KCNAB1: variants seen among roughly 807,000 people sequenced by gnomAD.
KCNAB1 encodes potassium voltage-gated channel subfamily A regulatory beta subunit 1.
KCNAB1 carries 35 observed loss-of-function variants against 64.6 expected under a neutral mutation model. The observed-to-expected ratio is 0.54, with a 90% CI of 0.41 to 0.72. The LOEUF is 0.72. KCNAB1 is among the 30% of genes least tolerant of loss of function. The pLI is 0.00. For synonymous variants in KCNAB1, 177 were observed against 183.8 expected (o/e 0.96, Z 0.30); for missense variants, 401 against 512.9 (o/e 0.78, Z 2.11).
intron 2 of KCNAB1, among the ~76,000 whole-genome samples, chr3:156,447,953 G>A (rs909569496): frequency 2.0e-5 from 3 of 152,164 alleles, no homozygotes; most frequent in African/African-American, 7.2e-5. Context: ...TTTTTTGAAT[G>A]AGTACGCAAG....
intron 1 of KCNAB1, among the ~76,000 whole-genome samples, chr3:156,257,692 C>T (rs1003851624): frequency 2.0e-5 from 3 of 152,132 alleles, no homozygotes; most frequent in African/African-American, 7.2e-5. Flanking sequence ...AGGATTGATG[C>T]CTTACACAAA....
At chr3:156,405,059 C>T (rs1576824933) in intron 1 of KCNAB1, among the ~76,000 whole-genome samples, 2 of 152,340 alleles carry the variant, frequency 1.3e-5, no homozygotes, top group Middle Eastern at 6.8e-3. Context: ...TGGTGATAAA[C>T]TCCTCTAACT....
At chr3:156,295,154 GT>G (rs1720696851) in intron 1 of KCNAB1, among the ~76,000 whole-genome samples, 1 of 152,126 alleles carries the variant, frequency 6.6e-6, no homozygotes, top group Non-Finnish European at 1.5e-5. Flanking sequence ...AGGGGTGATA[GT>G]CATGCTTGGG....
At chr3:156,293,856 G>T (rs1720614981) in intron 1 of KCNAB1, among the ~76,000 whole-genome samples, 1 of 152,252 alleles carries the variant, frequency 6.6e-6, no homozygotes, top group African/African-American at 2.4e-5. Context: ...TGCTCTGCAT[G>T]CACTTCAGCT....
chr3:156,436,903 G>A (rs1345127805), intron 2 of KCNAB1, among the ~76,000 whole-genome samples: 1 of 152,118 alleles, frequency 6.6e-6, no homozygotes, highest in African/African-American at 2.4e-5. Flanking sequence ...CTTTTGCTGT[G>A]CAGCTCTCTA....
chr3:156,297,290 A>C (rs1050636885), intron 1 of KCNAB1, among the ~76,000 whole-genome samples: 5 of 117,888 alleles, frequency 4.2e-5, no homozygotes, highest in African/African-American at 1.5e-4. Flanking sequence ...TTTTTTACTC[A>C]GAGGGTTTGT....
At chr3:156,496,465 T>C (rs938899417) in intron 8 of KCNAB1, among the ~76,000 whole-genome samples, 10 of 152,180 alleles carry the variant, frequency 6.6e-5, no homozygotes, top group African/African-American at 2.2e-4. Context: ...CCTTCGCTCC[T>C]CCTTTGCCTT....
intron 1 of KCNAB1, among the ~76,000 whole-genome samples, chr3:156,355,814 C>T (rs1305493481): frequency 2.0e-5 from 3 of 152,060 alleles, no homozygotes; most frequent in East Asian, 1.9e-4. Flanking sequence ...TAATTTCATA[C>T]TAAAGAAAAT....
intron 2 of KCNAB1, chr3:156,446,862 CAG>C: frequency 6.6e-6 from 1 of 152,366 alleles, no homozygotes; most frequent in African/African-American, 2.4e-5. Flanking sequence ...AGCACAATAG[CAG>C]AGTGTTCCTT....
chr3:156,472,955 C>A (rs1205815456), intron 7 of KCNAB1, among the ~76,000 whole-genome samples: 1 of 152,180 alleles, frequency 6.6e-6, no homozygotes, highest in Non-Finnish European at 1.5e-5. Context: ...TATTTGTAGC[C>A]TCTTCTCCTA....
intron 8 of KCNAB1, among the ~76,000 whole-genome samples, chr3:156,502,017 C>A (rs111987124): frequency 7.6e-4 from 115 of 152,246 alleles, no homozygotes; most frequent in African/African-American, 2.6e-3. Flanking sequence ...GATTCAATTA[C>A]CTCCCTCTGG....
intron 1 of KCNAB1, among the ~76,000 whole-genome samples, chr3:156,148,315 A>G (rs1468421167): frequency 6.6e-6 from 1 of 152,178 alleles, no homozygotes; most frequent in African/African-American, 2.4e-5. Context: ...ATTGTGCATC[A>G]TGACCTTGAG....
At chr3:156,124,794 T>C (rs1050106180) in intron 1 of KCNAB1, among the ~76,000 whole-genome samples, 15 of 152,112 alleles carry the variant, frequency 9.9e-5, no homozygotes, top group African/African-American at 3.6e-4. Flanking sequence ...TTTAATGAAC[T>C]TTTCCGGGTC....
chr3:156,273,427 C>G, intron 1 of KCNAB1: 1 of 357,182 alleles, frequency 2.8e-6, no homozygotes, highest in South Asian at 2.1e-5. Flanking sequence ...CTGGCTAGGC[C>G]TGGTCTAAAT....
intron 8 of KCNAB1, among the ~76,000 whole-genome samples, chr3:156,507,540 A>C (rs538498394): frequency 3.3e-5 from 5 of 152,216 alleles, no homozygotes; most frequent in Non-Finnish European, 7.3e-5. Context: ...TCCAGGCATC[A>C]AGCTGAGAGG....
At chr3:156,485,503 A>T (rs185957257) in intron 8 of KCNAB1, among the ~76,000 whole-genome samples, 81 of 152,120 alleles carry the variant, frequency 5.3e-4, no homozygotes, top group Admixed American at 2.2e-3. Flanking sequence ...AAATTTTCTA[A>T]AATGTCCTTT....
At chr3:156,442,221 G>T (rs1236603853) in intron 2 of KCNAB1, among the ~76,000 whole-genome samples, 1 of 152,134 alleles carries the variant, frequency 6.6e-6, no homozygotes, top group Non-Finnish European at 1.5e-5. Flanking sequence ...TGGAGAGTAG[G>T]TCATTGTTTC....
chr3:156,216,642 A>G (rs1410654326), intron 1 of KCNAB1, among the ~76,000 whole-genome samples: 1 of 152,206 alleles, frequency 6.6e-6, no homozygotes, highest in Non-Finnish European at 1.5e-5. Flanking sequence ...CTCTGGGGGA[A>G]GATAGGGTGG....
chr3:156,231,204 A>T (rs1303610081), intron 1 of KCNAB1, among the ~76,000 whole-genome samples: 2 of 152,128 alleles, frequency 1.3e-5, no homozygotes, highest in African/African-American at 4.8e-5. Context: ...TTCCTGTAAC[A>T]TTAATGAGGA....
Sources: gnomAD v4.1 joint callset for allele counts (sites outside exome capture counted in the v4.1 genomes callset) on GRCh38, gnomAD v4.1.1 for gene constraint, MANE v1.5 for transcripts, NCBI Gene and HGNC (gene_info 2026-07-23, HGNC 2026-07-21) for gene names.